Variants in ECSCR observed in about 807,000 individuals in gnomAD.
ECSCR encodes endothelial cell surface expressed chemotaxis and apoptosis regulator.
ECSCR carries 12 observed loss-of-function variants against 16.7 expected under a neutral mutation model. The ratio of observed to expected loss-of-function variants is 0.72; its 90% confidence interval spans 0.46 to 1.17. The LOEUF (loss-of-function observed/expected upper bound fraction) is 1.17, where lower values mean the gene tolerates loss of function less well. Among genes scored for constraint, ECSCR ranks in the 50% most tolerant of loss-of-function variants. ECSCR has a pLI of 0.00. For synonymous variants in ECSCR, 44 were observed against 42.2 expected (o/e 1.04, Z -0.17); for missense variants, 122 against 116.1 (o/e 1.05, Z -0.23).
At chr5:139,461,673 C>T (rs1751309004) in intron 1 of ECSCR, among the ~76,000 whole-genome samples, 1 of 152,174 alleles carries the variant, frequency 6.6e-6, no homozygotes, top group African/African-American at 2.4e-5. Context: ...CAATCAGAGT[C>T]TTGTCCTCCA....
At chr5:139,457,668 G>A (rs965358043) in intron 3 of ECSCR, 64 bp from the exon 4 acceptor site, 14 of 1,465,396 alleles carry the variant, frequency 9.6e-6, no homozygotes, top group African/African-American at 8.4e-5. Flanking sequence ...CACACTCCCT[G>A]TCCCACCCAA....
At chr5:139,454,239 C>G in intron 8 of ECSCR, among the ~76,000 whole-genome samples, 1 of 75,466 alleles carries the variant, frequency 1.3e-5, no homozygotes, top group Non-Finnish European at 2.6e-5. Context: ...GTGTGGGGGT[C>G]GTGTGGTGTG....
At position 139,448,639 on chromosome 5, in the gene ECSCR, C is replaced by T; in HGVS notation, c.*261G>A. On this transcript the variant is annotated 3_prime_UTR_variant, in exon 10 of 10. Coordinates refer to ENST00000618155, the MANE Select transcript of ECSCR (RefSeq NM_001077693.4). ...ACTTTCCTTGCTCTCTCTCTGTCACCTCCTCTTTCCTGTGGCTCTGAGGAG... is the reference window on the plus strand; with the variant it reads ...ACTTTCCTTGCTCTCTCTCTGTCACTTCCTCTTTCCTGTGGCTCTGAGGAG... 1 of 1,040,306 alleles carries T rather than the reference C, an allele frequency of 9.6e-7. No homozygotes were observed. Among genetic ancestry groups the T allele is most frequent in the Non-Finnish European group, 1.3e-6 (1 of 768,142 alleles). 64.4% of individuals were successfully genotyped at this position (1,040,306 alleles called of 1,614,324 possible).
chr5:139,449,240 T>C (rs1750975700), intron 8 of ECSCR, 66 bp from the exon 9 acceptor site: 3 of 1,211,914 alleles, frequency 2.5e-6, no homozygotes. Flanking sequence ...GTCAAGGAAC[T>C]GTGAGGTTGT....
At chr5:139,458,825 G>C (rs1751225840) in intron 1 of ECSCR, among the ~76,000 whole-genome samples, 1 of 145,772 alleles carries the variant, frequency 6.9e-6, no homozygotes, top group South Asian at 2.1e-4. Flanking sequence ...CAGCCTGGGA[G>C]ACAAAGTGAG....
At chr5:139,451,232 G>A (rs1223400394) in intron 8 of ECSCR, among the ~76,000 whole-genome samples, 28 of 149,360 alleles carry the variant, frequency 1.9e-4, no homozygotes, top group Non-Finnish European at 3.6e-4. Context: ...TGTGTGGTAT[G>A]GGGTGTGTGG....
intron 4 of ECSCR, among the ~76,000 whole-genome samples, chr5:139,457,271 C>T (rs1751179153): frequency 6.6e-6 from 1 of 152,206 alleles, no homozygotes; most frequent in South Asian, 2.1e-4. Flanking sequence ...CCTCCACATG[C>T]TCAGCTGACC....
chr5:139,449,098 G>C lies in ECSCR; in HGVS notation c.589C>G (p.Gln197Glu). The part of the protein sequence containing the change: ...MKNINMNNGK[Q>E]SLSAEKVL ...TGTACCTTCTCTGCTGAGAGACTTT[G>C]TTTGCCATTATTCATGTTGATGTTC... Residue 197 changes from glutamine (Q) to glutamate (E), a missense_variant, in exon 9 of 10, where the codon CAA becomes GAA. By Grantham distance (29) the Gln-to-Glu change is conservative. Coordinates refer to ENST00000618155, the MANE Select transcript of ECSCR (RefSeq NM_001077693.4). 1 of 1,537,140 alleles carries C rather than the reference G, an allele frequency of 6.5e-7. No individual in the cohort carries two copies. The highest frequency in any genetic ancestry group is 8.7e-7 in the Non-Finnish European group (1 of 1,146,840).
At chr5:139,462,424 C>T (rs1751327117) in intron 1 of ECSCR, among the ~76,000 whole-genome samples, 186 bp downstream of exon 1, 1 of 152,200 alleles carries the variant, frequency 6.6e-6, no homozygotes, top group Admixed American at 6.5e-5. Flanking sequence ...TTAACCGTAG[C>T]TCCATTTTAC....
chr5:139,458,919 C>A (rs1234978260), intron 1 of ECSCR, among the ~76,000 whole-genome samples: 1 of 151,744 alleles, frequency 6.6e-6, no homozygotes, highest in African/African-American at 2.4e-5. Context: ...GGAAGGCAGA[C>A]ACACTAGGCA....
At chr5:139,452,335 G>GGTA (rs1751078490) in intron 8 of ECSCR, among the ~76,000 whole-genome samples, 11 of 128,242 alleles carry the variant, frequency 8.6e-5, no homozygotes, top group East Asian at 2.4e-4. Context: ...GGGTGTGTGT[G>GGTA]TGTGATATGT....
Position 139,454,591 on chromosome 5 carries a change from G to C in ECSCR, c.512+11C>G. On this transcript the variant is annotated intron_variant, in intron 8 of 9. Transcript: ENST00000618155. Reference sequence around the variant, plus strand: ...TGGGTGTCAGATAGAAGATTTTTCTGACGGTCTTACCTTTCAGACAGCCCT... The same window carrying C: ...TGGGTGTCAGATAGAAGATTTTTCTCACGGTCTTACCTTTCAGACAGCCCT... The C allele has an allele frequency of 7.5e-6, 3 of 398,190 alleles. No homozygotes were observed. The highest frequency in any genetic ancestry group is 1.3e-5 in the Non-Finnish European group (3 of 225,894). 24.7% of individuals were successfully genotyped at this position (398,190 alleles called of 1,614,324 possible).
intron 1 of ECSCR, among the ~76,000 whole-genome samples, chr5:139,460,801 A>T (rs1023380119): frequency 6.6e-6 from 1 of 151,950 alleles, no homozygotes; most frequent in African/African-American, 2.4e-5. Context: ...ATCCCCTTCT[A>T]GTCTATCTCC....
chr5:139,462,546 C>T, intron 1 of ECSCR, 64 bp downstream of exon 1: 1 of 1,488,496 alleles, frequency 6.7e-7, no homozygotes, highest in Admixed American at 2.0e-5. Context: ...GAGAAAGAGA[C>T]CGATGCCTAG....
chr5:139,453,805 T>G (rs1751096296), intron 8 of ECSCR, among the ~76,000 whole-genome samples: 2 of 77,648 alleles, frequency 2.6e-5, no homozygotes, highest in African/African-American at 9.8e-5. Flanking sequence ...GTGTGTGGTG[T>G]GTGATGTGTG....
rs945504128 is a variant in ECSCR at position 139,462,724 on chromosome 5, G to A, written c.-54C>T. 7.6e-6 allele frequency: 11 copies of A among 1,438,272 alleles called. No individual in the cohort carries two copies. In the South Asian group the frequency reaches 1.3e-4, roughly 18 times the overall value. The allele number at this position is 1,438,272 out of a possible 1,614,324, so 89.1% of individuals were successfully genotyped here. On this transcript the variant is annotated 5_prime_UTR_variant, in exon 1 of 10. Transcript: ENST00000618155. The stretch of plus-strand genomic sequence containing the variant: ...CAGCTCAGTGGAGGCTCTGTCCATA[G>A]TGGAGAAGAGAGAGGGAGTGCTGGG...
chr5:139,455,911 C>A (rs1052884575), intron 5 of ECSCR, among the ~76,000 whole-genome samples: 7 of 150,494 alleles, frequency 4.7e-5, no homozygotes, highest in Non-Finnish European at 7.4e-5. Flanking sequence ...ATCATGAGGT[C>A]AGGAGTTCAA....
In ECSCR at chr5:139,455,528, C is replaced by G. The variant is rs1224339775; in HGVS notation, c.263-92G>C. 3 of 391,190 alleles carry G rather than the reference C, an allele frequency of 7.7e-6. No homozygotes were observed. The South Asian group carries it at 4.2e-4, about 54-fold the overall frequency. 24.2% of individuals were successfully genotyped at this position (391,190 alleles called of 1,614,324 possible). ...CCTCCCGCTTCCCCCTAGGGAAGGA[C>G]CAGAATTTATGCTGCAGAGCTAGGA... is the stretch of plus-strand genomic sequence containing the variant. On this transcript the variant is annotated intron_variant, in intron 5 of 9. Transcript: ENST00000618155.
rs1380301679 is a variant in ECSCR at position 139,454,917 on chromosome 5, A to G, written c.383T>C (p.Ile128Thr). The change falls in exon 7 of 10, where the codon ATC (isoleucine) becomes ACC (threonine). Residue 128 changes from isoleucine (I) to threonine (T), a missense_variant. Coordinates refer to ENST00000618155, the MANE Select transcript of ECSCR (RefSeq NM_001077693.4). ...AACCACCAGGATGACAATGAAGCTG[A>G]TAACACCTGAACAGAGAAAAGAATG... The part of the protein sequence containing the change: ...TVLTVAAFGV[I>T]SFIVILVVVV... The G allele has an allele frequency of 7.5e-6, 3 of 398,734 alleles. No individual in the cohort carries two copies. The highest frequency in any genetic ancestry group is 6.2e-5 in the African/African-American group (3 of 48,604). The allele number at this position is 398,734 out of a possible 1,614,324, so 24.7% of individuals were successfully genotyped here. A position where few individuals can be genotyped will look rare whatever the true frequency, so the allele number is the denominator to read the frequency against.
Sources: allele counts gnomAD v4.1 joint callset (sites outside exome capture counted in the v4.1 genomes callset), GRCh38; gene constraint gnomAD v4.1.1; transcripts MANE v1.5; gene names NCBI Gene and HGNC (gene_info 2026-07-23, HGNC 2026-07-21).